CREB3L2: variants seen among roughly 807,000 people sequenced by gnomAD.
The protein encoded by CREB3L2 is cAMP responsive element binding protein 3 like 2, also known as cyclic AMP-responsive element-binding protein 3-like protein 2.
CREB3L2 carries 23 observed loss-of-function variants against 57.2 expected under a neutral mutation model. The observed-to-expected ratio is 0.40, with a 90% CI of 0.29 to 0.57. The LOEUF is 0.57. CREB3L2 is among the 20% of genes least tolerant of loss of function. The pLI, the probability that CREB3L2 is intolerant of heterozygous loss-of-function variation, is 0.42. For missense variants in CREB3L2, 628 were observed against 634.7 expected (o/e 0.99, Z 0.11); for synonymous variants, 268 against 265.1 (o/e 1.01, Z -0.11).
intron 8 of CREB3L2, among the ~76,000 whole-genome samples, chr7:137,885,750 G>T (rs1799404181): frequency 6.6e-6 from 1 of 152,182 alleles, no homozygotes; most frequent in Non-Finnish European, 1.5e-5. Context: ...TGAGTTAGAG[G>T]TAACTGCCTC....
chr7:137,949,243 G>A (rs1192672315), intron 1 of CREB3L2, among the ~76,000 whole-genome samples: 1 of 152,218 alleles, frequency 6.6e-6, no homozygotes, highest in Non-Finnish European at 1.5e-5. Flanking sequence ...GCCACAGTGA[G>A]GCTGATACGG....
At chr7:137,965,637 T>A (rs1371967196) in intron 1 of CREB3L2, among the ~76,000 whole-genome samples, 1 of 152,182 alleles carries the variant, frequency 6.6e-6, no homozygotes, top group Non-Finnish European at 1.5e-5. Context: ...ACAGCCCATG[T>A]TATAAGCAAG....
chr7:138,000,223 G>A (rs1585687307), intron 1 of CREB3L2, among the ~76,000 whole-genome samples: 1 of 152,216 alleles, frequency 6.6e-6, no homozygotes, highest in South Asian at 2.1e-4. Flanking sequence ...TGGATAAAAT[G>A]TAGCCTGTCA....
At chr7:137,937,738 G>A (rs1800814623) in intron 1 of CREB3L2, among the ~76,000 whole-genome samples, 1 of 151,960 alleles carries the variant, frequency 6.6e-6, no homozygotes, top group South Asian at 2.1e-4. Context: ...TTATTTTGGG[G>A]AGGGTGTTTT....
Position 138,001,744 on chromosome 7 carries a change from A to G in CREB3L2, c.-39T>C, listed in dbSNP as rs1802081752. 2 of 1,476,344 alleles carry G rather than the reference A, an allele frequency of 1.4e-6. No homozygotes were observed. The highest frequency in any genetic ancestry group is 9.2e-7 in the Non-Finnish European group (1 of 1,088,436). 91.5% of individuals were successfully genotyped at this position (1,476,344 alleles called of 1,614,324 possible). On this transcript the variant is annotated 5_prime_UTR_variant, in exon 1 of 12. Transcript: ENST00000330387. This position sits in a 1 kb window ranked among gnomAD's most constrained non-coding sequence, Gnocchi z 4.2. ...GCGCTGGGCCGAGGATGCTAAGCGC[A>G]GGAGGGGACGCGCAGAGCTGCCTCG...
At chr7:137,995,322 T>C (rs1235355395) in intron 1 of CREB3L2, among the ~76,000 whole-genome samples, 2 of 75,276 alleles carry the variant, frequency 2.7e-5, no homozygotes, top group African/African-American at 1.0e-4. Context: ...TTCTTTTTTT[T>C]TCTTTTCTTT....
intron 8 of CREB3L2, among the ~76,000 whole-genome samples, chr7:137,899,003 G>A (rs1187929804): frequency 7.1e-6 from 1 of 140,672 alleles, no homozygotes; most frequent in Non-Finnish European, 1.5e-5. Flanking sequence ...AGAAAGGAAG[G>A]AGAAGGGGAA....
At chr7:137,901,679 G>T (rs1052162300) in intron 7 of CREB3L2, among the ~76,000 whole-genome samples, 9 of 151,574 alleles carry the variant, frequency 5.9e-5, no homozygotes, top group African/African-American at 2.2e-4. Context: ...AGGAGATAGA[G>T]ACCATCCTGG....
chr7:137,934,932 C>G (rs1412951598), intron 1 of CREB3L2, among the ~76,000 whole-genome samples: 1 of 152,204 alleles, frequency 6.6e-6, no homozygotes, highest in East Asian at 1.9e-4. Context: ...AGTTTTATCT[C>G]CCCATTATCT....
chr7:137,938,481 G>T (rs1414065419), intron 1 of CREB3L2, among the ~76,000 whole-genome samples: 1 of 151,958 alleles, frequency 6.6e-6, no homozygotes, highest in African/African-American at 2.4e-5. Context: ...GAGTAGCTGG[G>T]ATTACAGGTT....
rs563091716 is a variant in CREB3L2, at chr7:137,929,486, G to C, written c.103-1120C>G. ...AGTTGTGAAACCAAAAATATTTCCAGACACTGCCCAAATGTCTGTAGGTGA... is the reference window on the plus strand; with the variant it reads ...AGTTGTGAAACCAAAAATATTTCCACACACTGCCCAAATGTCTGTAGGTGA... On this transcript the variant is annotated intron_variant, in intron 1 of 11. Coordinates refer to ENST00000330387, the MANE Select transcript of CREB3L2 (RefSeq NM_194071.4). 2.0e-5 allele frequency among the ~76,000 whole-genome samples: 3 copies of C among 152,108 alleles called. No individual in the cohort carries two copies. The South Asian group carries it at 6.2e-4, about 32-fold the overall frequency.
At chr7:137,957,739 G>C in intron 1 of CREB3L2, 1 of 1,287,144 alleles carries the variant, frequency 7.8e-7, no homozygotes, top group Non-Finnish European at 1.0e-6. Context: ...TTTCTTCAAA[G>C]AACGCACCTG....
At position 137,885,581 on chromosome 7, in the gene CREB3L2, G is replaced by T. The variant is rs1050999339; in HGVS notation, c.1044-79C>A. The T allele has an allele frequency of 5.3e-6, 6 of 1,142,746 alleles. No homozygotes were observed. The Admixed American group carries it at 1.1e-4, about 21-fold the overall frequency. 70.8% of individuals were successfully genotyped at this position (1,142,746 alleles called of 1,614,324 possible). On this transcript the variant is annotated intron_variant, in intron 8 of 11. Transcript: ENST00000330387. ...TTGATCTCTCCATGTGACCCAAGAA[G>T]GCCGCCGTGCCTTTGTGCCTGCATT...
At chr7:137,897,138 G>A (rs1799644685) in intron 8 of CREB3L2, among the ~76,000 whole-genome samples, 1 of 152,204 alleles carries the variant, frequency 6.6e-6, no homozygotes, top group Admixed American at 6.5e-5. Context: ...AGTGATGGAT[G>A]TGTTAATCAG....
intron 1 of CREB3L2, among the ~76,000 whole-genome samples, chr7:137,984,305 T>C (rs188646586): frequency 8.5e-5 from 13 of 152,362 alleles, no homozygotes; most frequent in African/African-American, 1.4e-4. Flanking sequence ...CTGGCCTCTT[T>C]TGCAGCTAGG....
intron 2 of CREB3L2, among the ~76,000 whole-genome samples, chr7:137,916,678 T>C (rs1004209359): frequency 5.9e-5 from 9 of 151,592 alleles, no homozygotes; most frequent in Admixed American, 2.0e-4. Flanking sequence ...GATCACATCA[T>C]TGTACTCCAG....
intron 2 of CREB3L2, among the ~76,000 whole-genome samples, chr7:137,927,397 G>A (rs957576639): frequency 7.3e-6 from 1 of 136,680 alleles, no homozygotes; most frequent in African/African-American, 3.1e-5. Context: ...GAGGGAAGGA[G>A]GGAAGGAAGG....
chr7:137,957,695 T>C, intron 1 of CREB3L2: 1 of 993,756 alleles, frequency 1.0e-6, no homozygotes, highest in Non-Finnish European at 1.4e-6. Context: ...AAATAATTCC[T>C]ACTCCTTCCA....
intron 1 of CREB3L2, among the ~76,000 whole-genome samples, chr7:137,995,524 A>G (rs974457348): frequency 6.6e-6 from 1 of 151,538 alleles, no homozygotes; most frequent in Non-Finnish European, 1.5e-5. Context: ...TAGTAGAGAC[A>G]GGGTTTCACC....
Sources: allele counts gnomAD v4.1 joint callset (sites outside exome capture counted in the v4.1 genomes callset), GRCh38; gene constraint gnomAD v4.1.1; non-coding constraint Gnocchi (gnomAD v3.1); transcripts MANE v1.5; gene names NCBI Gene and HGNC (gene_info 2026-07-23, HGNC 2026-07-21).